GPR157: variants seen among roughly 807,000 people sequenced by gnomAD.
GPR157 encodes G protein-coupled receptor 157, also known as G-protein coupled receptor 157.
A neutral mutation model predicts 23.5 loss-of-function variants in GPR157; 16 were observed. That is an observed-to-expected ratio of 0.68 (90% CI 0.46 to 1.04). The LOEUF is 1.04. GPR157 is among the 50% of genes least tolerant of loss of function. GPR157 has a pLI of 0.00. For missense variants in GPR157, 440 were observed against 460.7 expected, an observed-to-expected ratio of 0.96 and a Z score of 0.41; for synonymous variants, 200 against 221.5, an observed-to-expected ratio of 0.90 and a Z score of 0.86.
chr1:9,128,410 C>T lies in GPR157; in HGVS notation c.383+235G>A. ...GCTCTGGGGGCGAACTCTGTCCCCA[C>T]TACCCCAAGGGGCTGTGCCCTGGGG... On this transcript the variant is annotated intron_variant, in intron 1 of 3. Transcript: ENST00000377411. This position sits in a 1 kb window ranked among gnomAD's most constrained non-coding sequence, Gnocchi z 6.3. 1 of 696,090 alleles carries T rather than the reference C, an allele frequency of 1.4e-6. No individual in the cohort carries two copies. The highest frequency in any genetic ancestry group is 2.6e-6 in the Non-Finnish European group (1 of 381,602). The allele number at this position is 696,090 out of a possible 1,614,324, so 43.1% of individuals were successfully genotyped here. A position where few individuals can be genotyped will look rare whatever the true frequency, so the allele number is the denominator to read the frequency against.
At position 9,123,353 on chromosome 1, in the gene GPR157, AT is replaced by A. The variant is rs1638863856; in HGVS notation, c.383+5291del. Among the ~76,000 whole-genome samples the A allele has an allele frequency of 2.0e-4, 5 of 24,442 alleles. 1 individual carries two copies. The highest frequency in any genetic ancestry group is 6.7e-4 in the African/African-American group (5 of 7,502). The allele number at this position is 24,442 out of a possible 152,430, so 16.0% of individuals were successfully genotyped here. On this transcript the variant is annotated intron_variant, in intron 1 of 3. Transcript: ENST00000377411. ...TATTTAATTTAAATATATATATTTA[AT>A]TTAAATATATATTTAAATTAAATAT... is the stretch of plus-strand genomic sequence containing the variant.
intron 1 of GPR157, among the ~76,000 whole-genome samples, chr1:9,112,944 G>T (rs981556703): frequency 5.1e-4 from 78 of 152,198 alleles, no homozygotes; most frequent in Non-Finnish European, 4.4e-5. Flanking sequence ...TTGGATTTTA[G>T]TGCAGCGGGC....
At chr1:9,125,859 A>T (rs1378189475) in intron 1 of GPR157, among the ~76,000 whole-genome samples, 2 of 152,182 alleles carry the variant, frequency 1.3e-5, no homozygotes, top group Non-Finnish European at 2.9e-5. Flanking sequence ...TTATTGGATC[A>T]AGGGGTATGA....
chr1:9,114,485 A>G (rs1638591285), intron 1 of GPR157, among the ~76,000 whole-genome samples: 1 of 151,970 alleles, frequency 6.6e-6, no homozygotes, highest in Non-Finnish European at 1.5e-5. Flanking sequence ...CCCCTGCAGG[A>G]GGCTGGTCTG....
intron 1 of GPR157, among the ~76,000 whole-genome samples, chr1:9,123,321 ATATATATAT>A (rs1435630194): frequency 4.0e-5 from 1 of 24,750 alleles, no homozygotes; most frequent in Non-Finnish European, 8.9e-5. Context: ...ATATATTAAA[ATATATATAT>A]TTAATTTAAA....
At chr1:9,125,967 C>CA (rs1638954657) in intron 1 of GPR157, among the ~76,000 whole-genome samples, 1 of 138,998 alleles carries the variant, frequency 7.2e-6, no homozygotes. Flanking sequence ...TGTATTCTGC[C>CA]TTTTTTTTTT....
intron 1 of GPR157, among the ~76,000 whole-genome samples, chr1:9,126,864 C>T (rs145011891): frequency 2.0e-5 from 3 of 152,076 alleles, no homozygotes; most frequent in Admixed American, 1.3e-4. Context: ...AAGATGAATA[C>T]GTTGCTTGTT....
intron 1 of GPR157, among the ~76,000 whole-genome samples, chr1:9,112,048 G>T (rs539103019): frequency 3.3e-5 from 5 of 152,184 alleles, no homozygotes; most frequent in African/African-American, 7.2e-5. Flanking sequence ...TGCTGCTGTC[G>T]TGACTGTTGT....
intron 1 of GPR157, among the ~76,000 whole-genome samples, chr1:9,123,283 TTTAAATTA>T (rs1638854871): frequency 3.4e-5 from 1 of 29,364 alleles, no homozygotes; most frequent in Admixed American, 4.9e-4. Context: ...TAAATATATA[TTTAAATTA>T]ATATATATTT....
rs1305154840 is a variant in GPR157, at chr1:9,105,364, G to C, written c.792+122C>G. 1.4e-5 allele frequency: 12 copies of C among 856,214 alleles called. No homozygotes were observed. The highest frequency in any genetic ancestry group is 2.0e-5 in the Non-Finnish European group (11 of 560,966). The allele number at this position is 856,214 out of a possible 1,614,324, so 53.0% of individuals were successfully genotyped here. On this transcript the variant is annotated intron_variant, in intron 3 of 3. Coordinates refer to ENST00000377411, the MANE Select transcript of GPR157 (RefSeq NM_024980.5). This position sits in a 1 kb window ranked among gnomAD's most constrained non-coding sequence, Gnocchi z 4.8. Reference sequence around the variant, plus strand: ...GAGGAAGGCACAGCACAGTGGGGCCGAGCTCCTCCCTGCAGCTGTGCCTTG... The same window carrying C: ...GAGGAAGGCACAGCACAGTGGGGCCCAGCTCCTCCCTGCAGCTGTGCCTTG...
intron 2 of GPR157, among the ~76,000 whole-genome samples, chr1:9,107,501 T>C (rs1371901218): frequency 2.0e-5 from 3 of 152,118 alleles, no homozygotes; most frequent in African/African-American, 7.2e-5. Flanking sequence ...TAGCTGGGCA[T>C]TGGCCAGGAG....
Position 9,128,984 on chromosome 1 carries a change from C to A in GPR157, c.44G>T (p.Arg15Leu), listed in dbSNP as rs1334035240. 1 of 1,364,140 alleles carries A rather than the reference C, an allele frequency of 7.3e-7. No individual in the cohort carries two copies. 84.5% of individuals were successfully genotyped at this position (1,364,140 alleles called of 1,614,324 possible). Residue 15 changes from arginine to leucine, a missense_variant, in exon 1 of 4, where the codon CGC becomes CTC. Coordinates refer to ENST00000377411, the MANE Select transcript of GPR157 (RefSeq NM_024980.5). This position sits in a 1 kb window ranked among gnomAD's most constrained non-coding sequence, Gnocchi z 6.3. ...PPPTELVPSE[R>L]AVVLLSCALS... ...TGCGCACGACAGCAGCACCACGGCG[C>A]GCTCCGACGGCACCAGCTCGGTGGG...
chr1:9,120,182 A>G lies in GPR157; in HGVS notation c.383+8463T>C, dbSNP rs1002445580. Among the ~76,000 whole-genome samples the G allele has an allele frequency of 6.6e-6, 1 of 152,172 alleles. No individual in the cohort carries two copies. The highest frequency in any genetic ancestry group is 2.4e-5 in the African/African-American group (1 of 41,440). Reference sequence around the variant, plus strand: ...CCCTTAGGATGCCATCCCTGCTGCCAGGAAGGGGTCAGAGGTTAGACTGAA... The same window carrying G: ...CCCTTAGGATGCCATCCCTGCTGCCGGGAAGGGGTCAGAGGTTAGACTGAA... On this transcript the variant is annotated intron_variant, in intron 1 of 3. Transcript: ENST00000377411. The surrounding 1 kb of genome is among the most constrained non-coding windows in gnomAD (Gnocchi z 4.1).
intron 1 of GPR157, among the ~76,000 whole-genome samples, chr1:9,119,275 C>T (rs1317403936): frequency 1.3e-5 from 2 of 152,076 alleles, no homozygotes; most frequent in South Asian, 2.1e-4. Context: ...TCAGGTGATC[C>T]GCCCACCTCG....
intron 1 of GPR157, among the ~76,000 whole-genome samples, chr1:9,111,746 C>T (rs577580995): frequency 5.1e-4 from 78 of 152,266 alleles, no homozygotes; most frequent in African/African-American, 1.8e-3. Flanking sequence ...GCTCCTTTTG[C>T]ATACATGTGT....
chr1:9,114,326 C>A (rs1219765362), intron 1 of GPR157, among the ~76,000 whole-genome samples: 260 of 102,994 alleles, frequency 2.5e-3, no homozygotes, highest in East Asian at 3.2e-3. Flanking sequence ...GAGACTGTCT[C>A]AAAAAAAAAA....
In GPR157 at chr1:9,104,435, TC is replaced by T. The variant is rs1202249511; in HGVS notation, c.991del (p.Glu331AsnfsTer133). On this transcript the variant is annotated frameshift_variant, in exon 4 of 4. Transcript: ENST00000377411. LOFTEE classifies it high-confidence loss of function. The part of the protein sequence containing the change: ...ESQESQGTPG[E>X]LPST Reference sequence around the variant, plus strand: ...GACAAAAGCTCAGGTGCTTGGAAGTTCCCCTGGGGTCCCTTGGGATTCCTGA... The same window carrying T: ...GACAAAAGCTCAGGTGCTTGGAAGTTCCCTGGGGTCCCTTGGGATTCCTGA... 2 of 1,613,274 alleles carry T rather than the reference TC, an allele frequency of 1.2e-6. No homozygotes were observed. The highest frequency in any genetic ancestry group is 1.7e-6 in the Non-Finnish European group (2 of 1,179,834).
Position 9,118,629 on chromosome 1 carries a change from A to G in GPR157, c.384-7140T>C, listed in dbSNP as rs2124522395. Among the ~76,000 whole-genome samples, 1 of 152,338 alleles carries G rather than the reference A, an allele frequency of 6.6e-6. No individual in the cohort carries two copies. The highest frequency in any genetic ancestry group is 2.4e-5 in the African/African-American group (1 of 41,582). ...ACAAATTTCATCTGTTGAAGTCCTAATCCCCAGAACCTCAGAATGTGAGTG... is the reference window on the plus strand; with the variant it reads ...ACAAATTTCATCTGTTGAAGTCCTAGTCCCCAGAACCTCAGAATGTGAGTG... On this transcript the variant is annotated intron_variant, in intron 1 of 3. Transcript: ENST00000377411. The surrounding 1 kb of genome is among the most constrained non-coding windows in gnomAD (Gnocchi z 4.6).
Position 9,129,078 on chromosome 1 carries a change from G to A in GPR157, c.-51C>T. 1.7e-6 allele frequency: 2 copies of A among 1,212,016 alleles called. No individual in the cohort carries two copies. Among genetic ancestry groups the A allele is most frequent in the Non-Finnish European group, 2.0e-6 (2 of 976,036 alleles). The allele number at this position is 1,212,016 out of a possible 1,614,324, so 75.1% of individuals were successfully genotyped here. ...GCCGCGAGGACAGAAGCCGGGCCGCGCGTGCGGCCACGCCGCCGCCGTCTG... is the reference window on the plus strand; with the variant it reads ...GCCGCGAGGACAGAAGCCGGGCCGCACGTGCGGCCACGCCGCCGCCGTCTG... On this transcript the variant is annotated 5_prime_UTR_variant, in exon 1 of 4. Coordinates refer to ENST00000377411, the MANE Select transcript of GPR157 (RefSeq NM_024980.5).
Sources: gnomAD v4.1 joint callset for allele counts (sites outside exome capture counted in the v4.1 genomes callset) on GRCh38, gnomAD v4.1.1 for gene constraint, Gnocchi (gnomAD v3.1) non-coding constraint, MANE v1.5 for transcripts, NCBI Gene and HGNC (gene_info 2026-07-23, HGNC 2026-07-21) for gene names.